AADAC: variants seen among roughly 807,000 people sequenced by gnomAD.
AADAC encodes arylacetamide deacetylase.
Under a neutral mutation model 22.7 loss-of-function variants are expected in AADAC, and 17 were observed. That is an observed-to-expected ratio of 0.75 (90% CI 0.51 to 1.12). The LOEUF (loss-of-function observed/expected upper bound fraction) is 1.12. AADAC is among the 50% of genes most tolerant of loss of function. AADAC has a pLI of 0.00. For synonymous variants in AADAC, 167 were observed against 176.3 expected (o/e 0.95, Z 0.42); for missense variants, 465 against 473.9 (o/e 0.98, Z 0.17).
At chr3:151,822,227 T>C (rs528327313) in intron 3 of AADAC, among the ~76,000 whole-genome samples, 1 of 152,114 alleles carries the variant, frequency 6.6e-6, no homozygotes, top group Non-Finnish European at 1.5e-5. Context: ...TCTATACTGC[T>C]GGTGGGAATA....
chr3:151,819,859 T>C (rs1422955378), intron 2 of AADAC, among the ~76,000 whole-genome samples: 1 of 152,130 alleles, frequency 6.6e-6, no homozygotes, highest in African/African-American at 2.4e-5. Flanking sequence ...ATGCAAGCAG[T>C]AAGTTCCAGT....
At chr3:151,827,115 A>C (rs1418385042) in intron 4 of AADAC, among the ~76,000 whole-genome samples, 1 of 151,680 alleles carries the variant, frequency 6.6e-6, no homozygotes, top group African/African-American at 2.4e-5. Context: ...GGTTTTTGCC[A>C]TGTTAGCCAG....
At chr3:151,814,983 T>C (rs1365839025) in intron 1 of AADAC, among the ~76,000 whole-genome samples, 1 of 152,102 alleles carries the variant, frequency 6.6e-6, no homozygotes, top group Non-Finnish European at 1.5e-5. Context: ...CAGATAAATG[T>C]TGTAACTCCT....
Position 151,827,094 on chromosome 3 carries a change from T to C in AADAC, c.604-482T>C, listed in dbSNP as rs1242598510. On this transcript the variant is annotated intron_variant, in intron 4 of 4. Transcript: ENST00000232892. ...CATACCTGGCTAATTTTTGTATTTT[T>C]AGTCAAGACGGGTTTTTGCCATGTT... 2.0e-5 allele frequency among the ~76,000 whole-genome samples: 3 copies of C among 151,826 alleles called. 1 individual carries two copies. Among genetic ancestry groups the C allele is most frequent in the Non-Finnish European group, 2.9e-5 (2 of 67,908 alleles).
Position 151,827,509 on chromosome 3 carries a change from T to C in AADAC, c.604-67T>C, listed in dbSNP as rs572073561. The C allele has an allele frequency of 2.8e-4, 269 of 962,662 alleles. No individual in the cohort carries two copies. In the African/African-American group the frequency reaches 4.6e-3, roughly 16 times the overall value. 59.6% of individuals were successfully genotyped at this position (962,662 alleles called of 1,614,324 possible). A position where few individuals can be genotyped will look rare whatever the true frequency, so the allele number is the denominator to read the frequency against. On this transcript the variant is annotated intron_variant, in intron 4 of 4. Coordinates refer to ENST00000232892, the MANE Select transcript of AADAC (RefSeq NM_001086.3). ...AAAACAAGATAGATAGACAGATAGA[T>C]AATCTTATTAGGGATATTTTATTGT...
At chr3:151,820,594 T>A in intron 3 of AADAC, 142 bp downstream of exon 3, 1 of 423,628 alleles carries the variant, frequency 2.4e-6, no homozygotes, top group Admixed American at 4.6e-5. Flanking sequence ...CTCGGCTCCC[T>A]GCAACCTCCT....
chr3:151,819,759 A>G lies in AADAC; in HGVS notation c.362-624A>G, dbSNP rs113442837. ...ATATAGATAGGAAGGTTGGAAATGGAAAAAAAGAGCATTACGTCTTCCTCT... is the reference window on the plus strand; with the variant it reads ...ATATAGATAGGAAGGTTGGAAATGGGAAAAAAGAGCATTACGTCTTCCTCT... On this transcript the variant is annotated intron_variant, in intron 2 of 4. Transcript: ENST00000232892. 4.4e-3 allele frequency among the ~76,000 whole-genome samples: 651 copies of G among 148,680 alleles called. 7 individuals are homozygous for G. The highest frequency in any genetic ancestry group is 0.015 in the African/African-American group (603 of 40,444).
intron 4 of AADAC, among the ~76,000 whole-genome samples, chr3:151,827,031 T>C (rs930588): frequency 0.76 from 114,254 of 151,116 alleles, 43,543 homozygotes; most frequent in Middle Eastern, 0.84. Context: ...TCTTGTGTCT[T>C]AGCCTCCTGA....
intron 4 of AADAC, among the ~76,000 whole-genome samples, chr3:151,825,189 C>A: frequency 6.9e-6 from 1 of 144,060 alleles, no homozygotes. Context: ...TTGGGAAACA[C>A]AGTGAGACCC....
chr3:151,827,010 G>A (rs1716522865), intron 4 of AADAC, among the ~76,000 whole-genome samples: 1 of 151,850 alleles, frequency 6.6e-6, no homozygotes, highest in African/African-American at 2.4e-5. Flanking sequence ...CACCTCATGG[G>A]TTCAAGCAAT....
intron 3 of AADAC, among the ~76,000 whole-genome samples, chr3:151,822,792 G>T (rs1271748290): frequency 6.6e-6 from 1 of 151,878 alleles, no homozygotes; most frequent in Non-Finnish European, 1.5e-5. Flanking sequence ...TTTGGCATGA[G>T]GAAAATCTTC....
At chr3:151,815,201 G>C (rs1464943864) in intron 1 of AADAC, among the ~76,000 whole-genome samples, 1 of 152,034 alleles carries the variant, frequency 6.6e-6, no homozygotes, top group African/African-American at 2.4e-5. Flanking sequence ...CAGAAGGCAA[G>C]AGTGGGCTAC....
chr3:151,828,247 T>A lies in AADAC; in HGVS notation c.*75T>A. On this transcript the variant is annotated 3_prime_UTR_variant, in exon 5 of 5. Transcript: ENST00000232892. ...GAAAATTTGCATTAGAAATTGGTCT[T>A]TCTTAGAATGGTCTAGTTAAGTTCC... The A allele has an allele frequency of 1.0e-6, 1 of 1,004,820 alleles. No individual in the cohort carries two copies. Among genetic ancestry groups the A allele is most frequent in the East Asian group, 2.7e-5 (1 of 36,600 alleles). 62.2% of individuals were successfully genotyped at this position (1,004,820 alleles called of 1,614,324 possible).
chr3:151,823,454 T>C (rs545305255), intron 3 of AADAC, among the ~76,000 whole-genome samples: 76 of 151,974 alleles, frequency 5.0e-4, no homozygotes, highest in Admixed American at 4.9e-3. Flanking sequence ...AATAGAAGTA[T>C]AGGCGAAAGA....
chr3:151,828,231 C>A lies in AADAC; in HGVS notation c.*59C>A. The A allele has an allele frequency of 1.7e-6, 2 of 1,155,938 alleles. No homozygotes were observed. Among genetic ancestry groups the A allele is most frequent in the Non-Finnish European group, 2.3e-6 (2 of 855,874 alleles). 71.6% of individuals were successfully genotyped at this position (1,155,938 alleles called of 1,614,324 possible). On this transcript the variant is annotated 3_prime_UTR_variant, in exon 5 of 5. Coordinates refer to ENST00000232892, the MANE Select transcript of AADAC (RefSeq NM_001086.3). ...AAATCTGAAAACCTCAGAAAATTTG[C>A]ATTAGAAATTGGTCTTTCTTAGAAT...
chr3:151,818,248 A>G (rs1716082001), intron 2 of AADAC, among the ~76,000 whole-genome samples: 1 of 151,826 alleles, frequency 6.6e-6, no homozygotes, highest in Non-Finnish European at 1.5e-5. Flanking sequence ...CTCAAAAAAA[A>G]AAAAAAAGAA....
At chr3:151,814,378 T>C in intron 1 of AADAC, 78 bp downstream of exon 1, 2 of 1,377,980 alleles carry the variant, frequency 1.5e-6, no homozygotes, top group South Asian at 2.9e-5. Flanking sequence ...CAAGATTCTA[T>C]TCTTTTGATT....
rs1203421433 is a variant in AADAC, at chr3:151,827,668, TC to T, written c.697del (p.Gln233LysfsTer60). ...CTCTTGATGTAGATTTACCGTCATA[TC>T]AAGAAAATTCAAATTTTCTATTTCT... ...QPLDVDLPSY[Q>X]ENSNFLFLSK... On this transcript the variant is annotated frameshift_variant, in exon 5 of 5. Transcript: ENST00000232892. LOFTEE classifies it low-confidence loss of function (END_TRUNC). 1.2e-6 allele frequency: 2 copies of T among 1,612,318 alleles called. No homozygotes were observed. The highest frequency in any genetic ancestry group is 1.7e-6 in the Non-Finnish European group (2 of 1,178,820).
rs1716093976 is a variant in AADAC, at chr3:151,818,427, T to C, written c.361+839T>C. 1.3e-5 allele frequency among the ~76,000 whole-genome samples: 2 copies of C among 152,026 alleles called. 1 individual carries two copies. Among genetic ancestry groups the C allele is most frequent in the Non-Finnish European group, 2.9e-5 (2 of 67,974 alleles). On this transcript the variant is annotated intron_variant, in intron 2 of 4. Coordinates refer to ENST00000232892, the MANE Select transcript of AADAC (RefSeq NM_001086.3). ...CAAATTAAATTTAACAGAGTTTAAT[T>C]GAGCAAAGAACTACTTGTGGATCAG...
Sources: allele counts gnomAD v4.1 joint callset (sites outside exome capture counted in the v4.1 genomes callset), GRCh38; gene constraint gnomAD v4.1.1; transcripts MANE v1.5; gene names NCBI Gene and HGNC (gene_info 2026-07-23, HGNC 2026-07-21).